Variants in C4BPA observed in about 807,000 individuals in gnomAD.
C4BPA encodes the protein C4b-binding protein alpha chain.
In C4BPA, 31 loss-of-function variants were observed where a neutral mutation model predicts 63.7. The ratio of observed to expected loss-of-function variants is 0.49; its 90% CI spans 0.37 to 0.66. The LOEUF (loss-of-function observed/expected upper bound fraction) is 0.66. Among genes scored for constraint, C4BPA ranks in the 30% least tolerant of loss-of-function variants. The pLI is 0.00. For missense variants in C4BPA, 572 were observed against 723.3 expected (o/e 0.79, Z 2.40); for synonymous variants, 259 against 254.7 (o/e 1.02, Z -0.16).
chr1:207,130,373 T>C (rs72742945), intron 7 of C4BPA, among the ~76,000 whole-genome samples: 10,630 of 152,252 alleles, frequency 0.07, 524 homozygotes, highest in Admixed American at 0.1. Context: ...GGTGCAACCA[T>C]TTTGGAAAAG....
intron 8 of C4BPA, 102 bp downstream of exon 8, chr1:207,131,842 G>A: frequency 1.3e-6 from 1 of 794,690 alleles, no homozygotes; most frequent in Non-Finnish European, 2.0e-6. Flanking sequence ...AACAAGTTTA[G>A]AATTAAGTTA....
Position 207,114,197 on chromosome 1 carries a change from C to G in C4BPA, c.240C>G (p.Thr80=). ...AAACTGGAACTACTCTGAAATACAC[C>G]TGCCTCCCTGGCTACGTCAGATCCC... ...RFKTGTTLKY[T]CLPGYVRSHS... Residue 80 remains threonine, a synonymous_variant, in exon 3 of 12, where the codon ACC becomes ACG. Coordinates refer to ENST00000367070, the MANE Select transcript of C4BPA (RefSeq NM_000715.4). The G allele has an allele frequency of 1.2e-6, 2 of 1,613,770 alleles. No homozygotes were observed. Among genetic ancestry groups the G allele is most frequent in the Non-Finnish European group, 1.7e-6 (2 of 1,179,762 alleles).
intron 10 of C4BPA, among the ~76,000 whole-genome samples, chr1:207,141,959 G>C (rs1009731971): frequency 6.6e-6 from 1 of 152,178 alleles, no homozygotes; most frequent in Non-Finnish European, 1.5e-5. Context: ...TGGATGACAT[G>C]TACAGAACAT....
At chr1:207,122,605 C>T (rs1447050361) in intron 4 of C4BPA, among the ~76,000 whole-genome samples, 2 of 152,138 alleles carry the variant, frequency 1.3e-5, no homozygotes, top group Non-Finnish European at 2.9e-5. Context: ...CAAGGTCTCA[C>T]TCCCTTTGCC....
chr1:207,129,423 A>AC (rs1233614695), intron 7 of C4BPA, among the ~76,000 whole-genome samples: 2 of 151,142 alleles, frequency 1.3e-5, no homozygotes, highest in Non-Finnish European at 3.0e-5. Context: ...AAAAAAAAAA[A>AC]AAACCCAAAC....
At chr1:207,115,635 C>T in intron 4 of C4BPA, 120 bp downstream of exon 4, 1 of 532,094 alleles carries the variant, frequency 1.9e-6, no homozygotes, top group South Asian at 2.6e-5. Flanking sequence ...TTCTCATTTC[C>T]ATCCTATCTC....
At chr1:207,127,068 A>G (rs957459820) in intron 7 of C4BPA, 173 bp downstream of exon 7, 1 of 546,746 alleles carries the variant, frequency 1.8e-6, no homozygotes, top group African/African-American at 1.9e-5. Context: ...ATTTTAGTGC[A>G]CTCTGCAAGG....
intron 7 of C4BPA, chr1:207,127,598 C>T (rs1685073370): frequency 6.6e-6 from 1 of 152,200 alleles, no homozygotes; most frequent in Admixed American, 6.5e-5. Context: ...ATGTCAAGAA[C>T]TTCTGGGGAT....
intron 2 of C4BPA, among the ~76,000 whole-genome samples, 166 bp downstream of exon 2, chr1:207,113,333 A>G (rs1421770865): frequency 7.9e-5 from 12 of 152,248 alleles, no homozygotes; most frequent in Admixed American, 7.8e-4. Context: ...TGCTTTACAC[A>G]TAAAGGAAAT....
Position 207,144,557 on chromosome 1 carries a change from G to C in C4BPA, c.1634G>C (p.Gly545Ala). Reference protein sequence around the residue: ...VPKCEWETPEGCEQVLTGKRL... With the variant: ...VPKCEWETPEACEQVLTGKRL... ...TATATCTTTTAGGAGACCCCCGAAG[G>C]CTGTGAACAAGTGCTCACAGGCAAA... The change falls in exon 12 of 12, where the codon GGC becomes GCC. Residue 545 changes from glycine to alanine, a missense_variant. Around this residue, in one of 2 missense-constraint regions of C4BPA, gnomAD observed 465 missense variants for 629.4 expected, o/e 0.74. Transcript: ENST00000367070. The C allele has an allele frequency of 6.2e-7, 1 of 1,610,360 alleles. No individual in the cohort carries two copies.
intron 5 of C4BPA, 49 bp downstream of exon 5, chr1:207,124,056 T>C: frequency 1.3e-6 from 2 of 1,504,516 alleles, no homozygotes; most frequent in Non-Finnish European, 1.8e-6. Context: ...CTCTGTTAGG[T>C]AATAAAGTCC....
intron 6 of C4BPA, among the ~76,000 whole-genome samples, chr1:207,126,036 G>A (rs1685034887): frequency 6.6e-6 from 1 of 151,948 alleles, no homozygotes; most frequent in Non-Finnish European, 1.5e-5. Flanking sequence ...ATGGGCCACG[G>A]ACCCATAACC....
In C4BPA at chr1:207,143,938, G is replaced by A. The variant is rs202061453; in HGVS notation, c.1565G>A (p.Ser522Asn). The change falls in exon 11 of 12, where the codon AGT (serine) becomes AAT (asparagine). Residue 522 changes from serine to asparagine, a missense_variant. This residue lies in a region of C4BPA where 465 missense variants were observed against 629.4 expected (regional missense o/e 0.74). Coordinates refer to ENST00000367070, the MANE Select transcript of C4BPA (RefSeq NM_000715.4). Reference protein sequence around the residue: ...DSGYGVVGPQSITCSGNRTWY... With the variant: ...DSGYGVVGPQNITCSGNRTWY... ...GGCTATGGTGTGGTTGGTCCCCAAA[G>A]TATCACTTGCTCTGGGAACAGAACC... 49 of 1,610,342 alleles carry A rather than the reference G, an allele frequency of 3.0e-5. No individual in the cohort carries two copies. The Admixed American group carries it at 8.1e-4, about 27-fold the overall frequency.
rs150215454 is a variant in C4BPA at position 207,110,440 on chromosome 1, A to C, written c.-25-2561A>C. Among the ~76,000 whole-genome samples, 889 of 152,296 alleles carry C rather than the reference A, an allele frequency of 5.8e-3. 38 individuals are homozygous for C. Among genetic ancestry groups the C allele is most frequent in the Admixed American group, 0.053 (805 of 15,290 alleles). ...AGTACTTGAAGGATCAGTTCATAGA[A>C]ATAAATTTGCTGAATTTATCAAAGT... On this transcript the variant is annotated intron_variant, in intron 1 of 11. Coordinates refer to ENST00000367070, the MANE Select transcript of C4BPA (RefSeq NM_000715.4).
intron 9 of C4BPA, among the ~76,000 whole-genome samples, chr1:207,138,153 C>A (rs1314314241): frequency 6.6e-6 from 1 of 152,164 alleles, no homozygotes; most frequent in Non-Finnish European, 1.5e-5. Flanking sequence ...TTTTCCCCAT[C>A]CGGACAGTTT....
At chr1:207,136,485 G>A (rs1685281792) in intron 9 of C4BPA, among the ~76,000 whole-genome samples, 1 of 152,090 alleles carries the variant, frequency 6.6e-6, no homozygotes, top group African/African-American at 2.4e-5. Flanking sequence ...CTTCTTACAG[G>A]ACTAGGACCT....
At chr1:207,141,026 A>G in intron 9 of C4BPA, 80 bp from the exon 10 acceptor site, 6 of 1,134,362 alleles carry the variant, frequency 5.3e-6, no homozygotes, top group Non-Finnish European at 7.4e-6. Flanking sequence ...AGCCTCCTAC[A>G]AACTACATGT....
chr1:207,129,931 T>C (rs1685126018), intron 7 of C4BPA, among the ~76,000 whole-genome samples: 1 of 152,212 alleles, frequency 6.6e-6, no homozygotes, highest in Non-Finnish European at 1.5e-5. Context: ...TGGTGTCATT[T>C]CTGTACTATA....
In C4BPA at chr1:207,134,587, G is replaced by A. The variant is rs116700161; in HGVS notation, c.1268G>A (p.Gly423Glu). The A allele has an allele frequency of 3.8e-3, 6,105 of 1,604,248 alleles. 18 individuals carry two copies. The highest frequency in any genetic ancestry group is 0.013 in the Middle Eastern group (78 of 6,024). The change falls in exon 9 of 12, where the codon GGA (glycine) becomes GAA (glutamate). Residue 423 changes from glycine to glutamate, a missense_variant. Coordinates refer to ENST00000367070, the MANE Select transcript of C4BPA (RefSeq NM_000715.4). ...TGGAGTCCCCGAACACCATCATGTGGAGACAGTAAGAGTTCATAGAATTAT... is the reference window on the plus strand; with the variant it reads ...TGGAGTCCCCGAACACCATCATGTGAAGACAGTAAGAGTTCATAGAATTAT... ...GTWSPRTPSC[G>E]DICNFPPKIA...
Sources: gnomAD v4.1 joint callset for allele counts (sites outside exome capture counted in the v4.1 genomes callset) on GRCh38, gnomAD v4.1.1 for gene constraint, gnomAD v4.1.1 regional missense constraint, MANE v1.5 for transcripts, NCBI Gene and HGNC (gene_info 2026-07-23, HGNC 2026-07-21) for gene names.